FBXL20: variants seen among roughly 807,000 people sequenced by gnomAD.
The protein encoded by FBXL20 is F-box/LRR-repeat protein 20.
FBXL20 carries 11 observed loss-of-function variants against 64.0 expected under a neutral mutation model. The observed-to-expected ratio is 0.17, with a 90% CI of 0.11 to 0.28. The LOEUF is 0.28. Ranked by LOEUF, FBXL20 falls within the 10% of genes least tolerant of loss-of-function variation. The probability of loss-of-function intolerance (pLI) is 1.00; values close to 1 mark genes in which losing one functional copy is unlikely to be tolerated. For synonymous variants in FBXL20, 184 were observed against 189.0 expected, an observed-to-expected ratio of 0.97 and a Z score of 0.22; for missense variants, 303 against 526.2, an observed-to-expected ratio of 0.58 and a Z score of 4.15.
chr17:39,322,593 C>G (rs1360823622), intron 2 of FBXL20, among the ~76,000 whole-genome samples: 1 of 152,018 alleles, frequency 6.6e-6, no homozygotes, highest in Non-Finnish European at 1.5e-5. Flanking sequence ...GTAGAATACT[C>G]CCGTTTACCT....
intron 8 of FBXL20, 40 bp downstream of exon 8, chr17:39,282,689 C>A: frequency 6.2e-7 from 1 of 1,613,478 alleles, no homozygotes; most frequent in Non-Finnish European, 8.5e-7. Flanking sequence ...GATTCATTCA[C>A]GATTCTTCCG....
Position 39,252,670 on chromosome 17 carries a change from CTTACT to C in FBXL20, c.*8785_*8789del, listed in dbSNP as rs1333449902. On this transcript the variant is annotated 3_prime_UTR_variant, in exon 15 of 15. Coordinates refer to ENST00000264658, the MANE Select transcript of FBXL20 (RefSeq NM_032875.3). ...ACAGGAAAATGAAAAGTCTTCACAGCTTACTTTCTTTAATTACATCATAAAACAAA... is the reference window on the plus strand; with the variant it reads ...ACAGGAAAATGAAAAGTCTTCACAGCTTCTTTAATTACATCATAAAACAAA... 6.6e-6 allele frequency: 1 copy of C among 151,790 alleles called. No individual in the cohort carries two copies. Among genetic ancestry groups the C allele is most frequent in the Non-Finnish European group, 1.5e-5 (1 of 67,972 alleles). The allele number at this position is 151,790 out of a possible 1,614,324, so 9.4% of individuals were successfully genotyped here.
At chr17:39,402,499 G>A (rs1004545862), upstream of FBXL20, 2 of 323,314 alleles carry the variant, frequency 6.2e-6, no homozygotes, top group African/African-American at 4.3e-5. Flanking sequence ...GTGCAGGGCT[G>A]GAGCCGGGCA....
At position 39,261,381 on chromosome 17, in the gene FBXL20, G is replaced by T; in HGVS notation, c.*79C>A. 1 of 1,151,766 alleles carries T rather than the reference G, an allele frequency of 8.7e-7. No individual in the cohort carries two copies. The highest frequency in any genetic ancestry group is 1.3e-6 in the Non-Finnish European group (1 of 761,318). 71.3% of individuals were successfully genotyped at this position (1,151,766 alleles called of 1,614,324 possible). On this transcript the variant is annotated 3_prime_UTR_variant, in exon 15 of 15. Transcript: ENST00000264658. ...AACCCTTGCTCAGAACACTGGGGTTGCTTCCACTGGAGAGACTCCACGGTA... is the reference window on the plus strand; with the variant it reads ...AACCCTTGCTCAGAACACTGGGGTTTCTTCCACTGGAGAGACTCCACGGTA...
rs758956160 is a variant in FBXL20, at chr17:39,259,585, T to A, written c.*1875A>T. On this transcript the variant is annotated 3_prime_UTR_variant, in exon 15 of 15. Coordinates refer to ENST00000264658, the MANE Select transcript of FBXL20 (RefSeq NM_032875.3). ...CCTGGACACTAAATTCCTCCCTCAG[T>A]TCTAGTGCCCAGGCTAAGCAGAGAC... 2.0e-5 allele frequency: 3 copies of A among 152,124 alleles called. No individual in the cohort carries two copies. The highest frequency in any genetic ancestry group is 2.9e-5 in the Non-Finnish European group (2 of 68,036). The allele number at this position is 152,124 out of a possible 1,614,324, so 9.4% of individuals were successfully genotyped here.
At chr17:39,364,862 G>A (rs1178069155) in intron 1 of FBXL20, among the ~76,000 whole-genome samples, 1 of 152,166 alleles carries the variant, frequency 6.6e-6, no homozygotes, top group African/African-American at 2.4e-5. Context: ...AATGACTGCA[G>A]TCTTATGAGC....
intron 2 of FBXL20, among the ~76,000 whole-genome samples, chr17:39,339,429 T>C (rs1040396859): frequency 6.6e-6 from 1 of 152,214 alleles, no homozygotes; most frequent in Admixed American, 6.6e-5. Flanking sequence ...TTTGCACCAC[T>C]GCAGTCCAGC....
chr17:39,305,637 G>A (rs552961064), intron 2 of FBXL20, among the ~76,000 whole-genome samples: 1 of 152,100 alleles, frequency 6.6e-6, no homozygotes, highest in Non-Finnish European at 1.5e-5. Flanking sequence ...ATAACTTGAG[G>A]CCAAGAGTTT....
intron 1 of FBXL20, among the ~76,000 whole-genome samples, chr17:39,399,122 T>C (rs1325741660): frequency 6.6e-6 from 1 of 152,242 alleles, no homozygotes. Flanking sequence ...GAGCTTCAGT[T>C]ATCTTCTCCA....
Position 39,343,161 on chromosome 17 carries a change from A to C in FBXL20, c.104+19T>G. 1 of 1,569,456 alleles carries C rather than the reference A, an allele frequency of 6.4e-7. No individual in the cohort carries two copies. The highest frequency in any genetic ancestry group is 8.6e-7 in the Non-Finnish European group (1 of 1,161,676). On this transcript the variant is annotated intron_variant, in intron 2 of 14. Transcript: ENST00000264658. ...GACATACACATAAAAAAACCCATAA[A>C]ATTAGCATTCAGACTTACCGTAACA...
intron 2 of FBXL20, among the ~76,000 whole-genome samples, chr17:39,309,584 C>T (rs528861769): frequency 6.6e-6 from 1 of 152,074 alleles, no homozygotes; most frequent in Admixed American, 6.6e-5. Flanking sequence ...AGCTGGATCA[C>T]CTGAGGTCAG....
chr17:39,357,669 C>G (rs1235276394), intron 1 of FBXL20, among the ~76,000 whole-genome samples: 1 of 152,218 alleles, frequency 6.6e-6, no homozygotes, highest in African/African-American at 2.4e-5. Flanking sequence ...CTCAGCCTCC[C>G]AACGTGTTGC....
chr17:39,271,363 C>T (rs575194103), intron 10 of FBXL20, among the ~76,000 whole-genome samples: 9 of 152,112 alleles, frequency 5.9e-5, no homozygotes, highest in South Asian at 2.1e-4. Context: ...TTTGGGAGGC[C>T]GAGGTGGGCG....
At chr17:39,284,261 T>C (rs1597774243) in intron 7 of FBXL20, among the ~76,000 whole-genome samples, 1 of 152,178 alleles carries the variant, frequency 6.6e-6, no homozygotes, top group East Asian at 1.9e-4. Flanking sequence ...ATGATAAAAG[T>C]TGTTATATTA....
chr17:39,284,938 CT>C (rs2046976066), intron 7 of FBXL20, among the ~76,000 whole-genome samples: 2 of 32,014 alleles, frequency 6.2e-5, no homozygotes, highest in Admixed American at 4.4e-4. Flanking sequence ...CCCTTTCTTT[CT>C]TTTTTTTTGT....
intron 1 of FBXL20, among the ~76,000 whole-genome samples, chr17:39,379,378 C>T (rs4795356): frequency 0.38 from 57,288 of 150,926 alleles, 13,937 homozygotes; most frequent in African/African-American, 0.69. Flanking sequence ...AAAAGTCAAA[C>T]ATAGAAATTC....
chr17:39,297,285 A>C, intron 5 of FBXL20, 90 bp from the exon 6 acceptor site: 1 of 747,392 alleles, frequency 1.3e-6, no homozygotes, highest in African/African-American at 1.8e-5. Flanking sequence ...TATTGGTAAT[A>C]TTGATTGTTG....
intron 1 of FBXL20, among the ~76,000 whole-genome samples, chr17:39,343,696 T>C (rs9916302): frequency 0.35 from 45,947 of 133,140 alleles, 7,772 homozygotes; most frequent in African/African-American, 0.56. Flanking sequence ...GCGAAAACTC[T>C]TTTTTTTTTT....
intron 1 of FBXL20, among the ~76,000 whole-genome samples, chr17:39,349,525 A>G (rs761894503): frequency 5.3e-5 from 8 of 151,656 alleles, no homozygotes; most frequent in Non-Finnish European, 1.0e-4. Flanking sequence ...GAGGTCAAGG[A>G]TGCAGCAAGC....
Sources: gnomAD v4.1 joint callset for allele counts (sites outside exome capture counted in the v4.1 genomes callset) on GRCh38, gnomAD v4.1.1 for gene constraint, MANE v1.5 for transcripts, NCBI Gene and HGNC (gene_info 2026-07-23, HGNC 2026-07-21) for gene names.